EFR3A: variants seen among roughly 807,000 people sequenced by gnomAD.
EFR3A encodes EFR3 homolog A.
In EFR3A, 76 loss-of-function variants were observed where a neutral mutation model predicts 104.4. That is an observed-to-expected ratio of 0.73 (90% CI 0.60 to 0.88). The LOEUF (loss-of-function observed/expected upper bound fraction) is 0.88. EFR3A is among the 40% of genes least tolerant of loss of function. The pLI, the probability that EFR3A is intolerant of heterozygous loss-of-function variation, is 0.00. For synonymous variants in EFR3A, 330 were observed against 330.0 expected (o/e 1.00, Z 0.00); for missense variants, 985 against 1,012.5 (o/e 0.97, Z 0.37).
intron 1 of EFR3A, among the ~76,000 whole-genome samples, chr8:131,936,442 A>G (rs999098823): frequency 6.6e-6 from 1 of 152,034 alleles, no homozygotes; most frequent in Non-Finnish European, 1.5e-5. Context: ...GTCACAACCC[A>G]CAGGTTGAGG....
At chr8:131,999,917 G>T (rs1157851760) in intron 19 of EFR3A, among the ~76,000 whole-genome samples, 1 of 152,076 alleles carries the variant, frequency 6.6e-6, no homozygotes, top group African/African-American at 2.4e-5. Flanking sequence ...TGGAGGTAGA[G>T]GCCAGTTAGG....
rs1818961106 is a variant in EFR3A, at chr8:131,955,871, G to A, written c.742G>A (p.Gly248Arg). 1.2e-6 allele frequency: 2 copies of A among 1,613,316 alleles called. No individual in the cohort carries two copies. The highest frequency in any genetic ancestry group is 1.7e-6 in the Non-Finnish European group (2 of 1,179,474). The change falls in exon 7 of 23, where the codon GGG becomes AGG. Residue 248 changes from glycine (G) to arginine (R), a missense_variant. Physicochemically the swap from Gly to Arg is moderately radical, Grantham distance 125. Transcript: ENST00000254624. ...AGAACTGCTGGGTCGAGCAACTTTT[G>A]GGAATATGAATAATGCTGTTAGACC... ...FRELLGRATF[G>R]NMNNAVRPVF... is the part of the protein sequence containing the mutation.
chr8:131,934,671 A>G (rs1470824965), intron 1 of EFR3A, among the ~76,000 whole-genome samples: 1 of 152,032 alleles, frequency 6.6e-6, no homozygotes, highest in Admixed American at 6.6e-5. Flanking sequence ...ACAGAATTAT[A>G]TATAATACGT....
chr8:131,919,212 A>G (rs1430550774), intron 1 of EFR3A, among the ~76,000 whole-genome samples: 1 of 152,096 alleles, frequency 6.6e-6, no homozygotes, highest in Non-Finnish European at 1.5e-5. Context: ...CCTTAGTATT[A>G]CTAATGCATA....
chr8:131,936,020 G>A (rs1817862049), intron 1 of EFR3A, among the ~76,000 whole-genome samples: 1 of 152,046 alleles, frequency 6.6e-6, no homozygotes, highest in Non-Finnish European at 1.5e-5. Context: ...GTGCCTGCGT[G>A]CCTAATCCAT....
intron 8 of EFR3A, 96 bp downstream of exon 8, chr8:131,959,759 A>T: frequency 1.4e-6 from 1 of 727,306 alleles, no homozygotes; most frequent in Non-Finnish European, 2.2e-6. Context: ...GCTGTAGGAT[A>T]TAAATCATTG....
chr8:131,963,297 A>G (rs1359419461), intron 8 of EFR3A, among the ~76,000 whole-genome samples: 3 of 151,924 alleles, frequency 2.0e-5, no homozygotes, highest in Non-Finnish European at 4.4e-5. Context: ...TTTTTTGAAA[A>G]GATCAACAAA....
chr8:131,966,695 T>C (rs1236835735), intron 8 of EFR3A, among the ~76,000 whole-genome samples: 1 of 152,142 alleles, frequency 6.6e-6, no homozygotes, highest in Admixed American at 6.6e-5. Flanking sequence ...ATAGTCAGAA[T>C]TCGATCTTGG....
chr8:131,963,643 C>A (rs1300567772), intron 8 of EFR3A, among the ~76,000 whole-genome samples: 1 of 152,134 alleles, frequency 6.6e-6, no homozygotes, highest in African/African-American at 2.4e-5. Flanking sequence ...ACCAGAGGTA[C>A]AAGGAGGAGC....
chr8:131,992,525 A>G (rs1821244639), intron 18 of EFR3A, among the ~76,000 whole-genome samples: 1 of 152,200 alleles, frequency 6.6e-6, no homozygotes, highest in Admixed American at 6.5e-5. Flanking sequence ...ACATGACGGT[A>G]GTACAAGGGT....
chr8:131,945,426 A>C (rs1210530607), intron 3 of EFR3A, among the ~76,000 whole-genome samples: 2 of 151,972 alleles, frequency 1.3e-5, no homozygotes, highest in Non-Finnish European at 2.9e-5. Flanking sequence ...AACAATAATA[A>C]CTTTGCAATT....
intron 18 of EFR3A, among the ~76,000 whole-genome samples, chr8:131,989,314 TTAAAA>T (rs1821045888): frequency 6.6e-6 from 1 of 152,216 alleles, no homozygotes; most frequent in Admixed American, 6.5e-5. Context: ...GAACAATGTA[TTAAAA>T]TAAAAAGCAG....
chr8:131,911,684 G>GA (rs563993953), intron 1 of EFR3A, among the ~76,000 whole-genome samples: 16 of 152,298 alleles, frequency 1.1e-4, no homozygotes, highest in Admixed American at 6.5e-4. Flanking sequence ...AGATACGGGG[G>GA]AAAATGCCCA....
At chr8:131,938,917 A>G (rs1001576965) in intron 1 of EFR3A, among the ~76,000 whole-genome samples, 4 of 152,160 alleles carry the variant, frequency 2.6e-5, no homozygotes, top group African/African-American at 9.6e-5. Context: ...TCCTTAGTAC[A>G]GTGCTGTACA....
intron 2 of EFR3A, among the ~76,000 whole-genome samples, chr8:131,942,893 A>G (rs993629730): frequency 1.3e-5 from 2 of 152,102 alleles, no homozygotes. Context: ...TGTAAACTGT[A>G]TGATTCTATT....
At chr8:131,932,912 T>A (rs1817682494) in intron 1 of EFR3A, among the ~76,000 whole-genome samples, 1 of 152,120 alleles carries the variant, frequency 6.6e-6, no homozygotes, top group South Asian at 2.1e-4. Flanking sequence ...CCTCTGTTTT[T>A]CTCCCTCTTA....
chr8:131,915,136 C>G (rs1033579153), intron 1 of EFR3A, among the ~76,000 whole-genome samples: 23 of 152,144 alleles, frequency 1.5e-4, no homozygotes, highest in African/African-American at 5.3e-4. Flanking sequence ...TTATTTGTGA[C>G]ATTCTGCATT....
chr8:131,919,307 A>T (rs1040238699), intron 1 of EFR3A, among the ~76,000 whole-genome samples: 2 of 152,142 alleles, frequency 1.3e-5, no homozygotes, highest in African/African-American at 4.8e-5. Flanking sequence ...CATAAAATTT[A>T]CCTGTTTTGG....
At position 131,944,737 on chromosome 8, in the gene EFR3A, G is replaced by T; in HGVS notation, c.88-8G>T. On this transcript the variant is annotated splice_region_variant and splice_polypyrimidine_tract_variant and intron_variant, in intron 2 of 22. Transcript: ENST00000254624. ...TAGATAATCTATTTATCTTGTTATT[G>T]TTTTTAGGATGGCCTTGTGAAAACT... 1 of 1,572,188 alleles carries T rather than the reference G, an allele frequency of 6.4e-7. No individual in the cohort carries two copies. The highest frequency in any genetic ancestry group is 1.2e-5 in the South Asian group (1 of 83,570).
Sources: allele counts gnomAD v4.1 joint callset (sites outside exome capture counted in the v4.1 genomes callset), GRCh38; gene constraint gnomAD v4.1.1; transcripts MANE v1.5; gene names NCBI Gene and HGNC (gene_info 2026-07-23, HGNC 2026-07-21).